The following RIT2 variants were observed in gnomAD, a reference collection of about 807,000 sequenced individuals.
The protein encoded by RIT2 is Ras like without CAAX 2, also known as GTP-binding protein Rit2.
RIT2 carries 24 observed loss-of-function variants against 23.7 expected under a neutral mutation model. The ratio of observed to expected loss-of-function variants is 1.01; its 90% CI spans 0.73 to 1.43. The LOEUF (loss-of-function observed/expected upper bound fraction) is 1.43. RIT2 is among the 40% of genes most tolerant of loss of function. The pLI is 0.00. For synonymous variants in RIT2, 107 were observed against 91.1 expected (o/e 1.17, Z -0.99); for missense variants, 236 against 266.9 (o/e 0.88, Z 0.81).
intron 3 of RIT2, among the ~76,000 whole-genome samples, chr18:42,938,912 A>T (rs1207625794): frequency 6.6e-6 from 1 of 151,712 alleles, no homozygotes; most frequent in African/African-American, 2.4e-5. Flanking sequence ...CTAATTTTTC[A>T]TTTTTTAATT....
chr18:43,097,083 T>C (rs1407970197), intron 1 of RIT2, among the ~76,000 whole-genome samples: 1 of 151,942 alleles, frequency 6.6e-6, no homozygotes, highest in East Asian at 1.9e-4. Flanking sequence ...CTTGCTATCA[T>C]GAGAAAGAGA....
At chr18:43,060,342 C>T (rs751675822) in intron 1 of RIT2, among the ~76,000 whole-genome samples, 3 of 152,114 alleles carry the variant, frequency 2.0e-5, no homozygotes, top group Non-Finnish European at 2.9e-5. Context: ...AATAAAACTT[C>T]CTCACTAGAA....
intron 2 of RIT2, among the ~76,000 whole-genome samples, chr18:42,981,070 C>T (rs1443887620): frequency 1.3e-5 from 2 of 152,112 alleles, no homozygotes; most frequent in African/African-American, 4.8e-5. Flanking sequence ...ATATGAGCAA[C>T]AGGACTAGGT....
chr18:42,801,129 G>C (rs1440543904), intron 4 of RIT2, among the ~76,000 whole-genome samples: 1 of 152,114 alleles, frequency 6.6e-6, no homozygotes, highest in African/African-American at 2.4e-5. Context: ...TAATGATGAA[G>C]TGGTGATGAT....
At chr18:43,089,500 C>A (rs1211809702) in intron 1 of RIT2, among the ~76,000 whole-genome samples, 1 of 151,402 alleles carries the variant, frequency 6.6e-6, no homozygotes, top group African/African-American at 2.4e-5. Context: ...GACCACTCTG[C>A]CCAAGACAAT....
intron 4 of RIT2, among the ~76,000 whole-genome samples, chr18:42,745,579 T>C (rs926749449): frequency 1.3e-5 from 2 of 152,210 alleles, no homozygotes; most frequent in Admixed American, 6.6e-5. Flanking sequence ...ATTTTATTTT[T>C]TTCATTCCTA....
intron 4 of RIT2, among the ~76,000 whole-genome samples, chr18:42,849,398 A>T (rs2144034053): frequency 6.6e-6 from 1 of 152,244 alleles, no homozygotes; most frequent in Admixed American, 6.5e-5. Flanking sequence ...CCTGGGTTTA[A>T]ATTTCAGTAG....
chr18:42,790,586 A>G (rs1045774838), intron 4 of RIT2, among the ~76,000 whole-genome samples: 3 of 151,980 alleles, frequency 2.0e-5, no homozygotes, highest in Non-Finnish European at 2.9e-5. Flanking sequence ...CTGCCACCAC[A>G]CCCAGCAAAT....
At chr18:42,838,240 G>T (rs1259753917) in intron 4 of RIT2, among the ~76,000 whole-genome samples, 4 of 151,876 alleles carry the variant, frequency 2.6e-5, no homozygotes, top group Non-Finnish European at 5.9e-5. Flanking sequence ...TAGGATTTAT[G>T]TGAAGTTCTT....
chr18:42,810,390 T>C (rs1425724265), intron 4 of RIT2, among the ~76,000 whole-genome samples: 1 of 151,952 alleles, frequency 6.6e-6, no homozygotes, highest in Admixed American at 6.6e-5. Context: ...GCTGGCTAAT[T>C]GCTGTTCACA....
At chr18:42,804,846 C>A (rs1222890708) in intron 4 of RIT2, among the ~76,000 whole-genome samples, 1 of 152,090 alleles carries the variant, frequency 6.6e-6, no homozygotes, top group African/African-American at 2.4e-5. Context: ...ATTTGTAATT[C>A]TCTGTTTTCC....
intron 1 of RIT2, among the ~76,000 whole-genome samples, chr18:43,104,604 G>A (rs1210480888): frequency 6.6e-6 from 1 of 151,958 alleles, no homozygotes; most frequent in Non-Finnish European, 1.5e-5. Context: ...CCAGACTTCT[G>A]TTACTCAGAA....
intron 4 of RIT2, among the ~76,000 whole-genome samples, chr18:42,907,656 T>C (rs556973501): frequency 2.0e-5 from 3 of 152,246 alleles, no homozygotes; most frequent in Non-Finnish European, 2.9e-5. Flanking sequence ...TTGATACCAA[T>C]ATCAAGACTA....
intron 4 of RIT2, among the ~76,000 whole-genome samples, chr18:42,881,859 G>A (rs1402430026): frequency 6.6e-6 from 1 of 152,176 alleles, no homozygotes; most frequent in Non-Finnish European, 1.5e-5. Flanking sequence ...CACCTAGATA[G>A]TGAGTGAAGA....
At chr18:42,816,637 C>A (rs1364729863) in intron 4 of RIT2, among the ~76,000 whole-genome samples, 5 of 152,050 alleles carry the variant, frequency 3.3e-5, no homozygotes, top group Admixed American at 2.6e-4. Context: ...AATATATAAT[C>A]CCACATAATA....
chr18:42,967,536 A>ATTTTTTTTTTTTT (rs397940927), intron 3 of RIT2, among the ~76,000 whole-genome samples: 4 of 80,756 alleles, frequency 5.0e-5, no homozygotes, highest in East Asian at 7.2e-4. Flanking sequence ...CGCCCGGCTA[A>ATTTTTTTTTTTTT]TTTTTTTTTT....
intron 1 of RIT2, among the ~76,000 whole-genome samples, chr18:43,103,079 C>A (rs530774142): frequency 3.3e-5 from 5 of 152,282 alleles, no homozygotes; most frequent in South Asian, 2.1e-4. Context: ...GCCTTCAAAT[C>A]CATGGTCACC....
chr18:43,071,819 A>T (rs965729067), intron 1 of RIT2, among the ~76,000 whole-genome samples: 1 of 152,202 alleles, frequency 6.6e-6, no homozygotes, highest in Non-Finnish European at 1.5e-5. Flanking sequence ...TATAGATTTC[A>T]TCAGACTCTC....
At chr18:43,055,571 G>A (rs972600978) in intron 1 of RIT2, among the ~76,000 whole-genome samples, 2 of 152,026 alleles carry the variant, frequency 1.3e-5, no homozygotes, top group African/African-American at 2.4e-5. Flanking sequence ...CCACAAAAGG[G>A]CGGGTTCATA....
Sources: allele counts gnomAD v4.1 joint callset (sites outside exome capture counted in the v4.1 genomes callset), GRCh38; gene constraint gnomAD v4.1.1; transcripts MANE v1.5; gene names NCBI Gene and HGNC (gene_info 2026-07-23, HGNC 2026-07-21).